The following FAAH2 variants were observed in gnomAD, a reference collection of about 807,000 sequenced individuals.
The protein encoded by FAAH2 is fatty acid amide hydrolase 2.
A neutral mutation model predicts 36.9 loss-of-function variants in FAAH2; 60 were observed. The observed-to-expected ratio is 1.63, with a 90% CI of 1.32 to 2.02. The LOEUF is 2.02. Ranked by LOEUF, FAAH2 falls within the 30% of genes most tolerant of loss-of-function variation. The pLI is 0.00. For missense variants in FAAH2, 689 were observed against 397.5 expected (o/e 1.73, Z -6.23); for synonymous variants, 214 against 143.8 (o/e 1.49, Z -3.49).
intron 10 of FAAH2, among the ~76,000 whole-genome samples, chrX:57,476,843 CT>C (rs1222442603): frequency 1.1e-3 from 114 of 99,644 alleles, no homozygotes; most frequent in East Asian, 3.5e-3. Flanking sequence ...TGTTCTTGGA[CT>C]TTTTTTTTTT....
chrX:57,207,731 G>C, the FAAH2 span, among the ~76,000 whole-genome samples: 4 of 112,320 alleles, frequency 3.6e-5, no homozygotes, highest in East Asian at 1.1e-3. Flanking sequence ...ATTTAAACTA[G>C]ACCTGCCTAG....
At chrX:57,341,488 T>C in intron 5 of FAAH2, 98 bp downstream of exon 5, 1 of 944,196 alleles carries the variant, frequency 1.1e-6, no homozygotes, top group Non-Finnish European at 1.4e-6. Context: ...TCAGGGTGAT[T>C]ATTATATATT....
the FAAH2 span, among the ~76,000 whole-genome samples, chrX:57,187,409 T>C: frequency 2.7e-5 from 3 of 111,261 alleles, no homozygotes; most frequent in African/African-American, 9.8e-5. Flanking sequence ...TTTTGCACAT[T>C]GATTTTGTAT....
chrX:57,390,554 G>A (rs775703129), intron 7 of FAAH2, among the ~76,000 whole-genome samples: 1 of 110,947 alleles, frequency 9.0e-6, no homozygotes, highest in East Asian at 2.8e-4. Context: ...TGTATCCATT[G>A]TTTAGTTTCC....
At chrX:57,124,870 G>A in the FAAH2 span, among the ~76,000 whole-genome samples, 1 of 112,335 alleles carries the variant, frequency 8.9e-6, no homozygotes, top group African/African-American at 3.2e-5. Context: ...CTGAGACTTG[G>A]CTGAAGTTGC....
At chrX:57,454,820 T>A (rs927669960) in intron 10 of FAAH2, among the ~76,000 whole-genome samples, 1 of 112,026 alleles carries the variant, frequency 8.9e-6, no homozygotes, top group Non-Finnish European at 1.9e-5. Context: ...AGATACCAAA[T>A]GTATGACTCA....
chrX:57,286,610 G>A (rs932935425), upstream of FAAH2: 5 of 322,258 alleles, frequency 1.6e-5, no homozygotes, highest in Admixed American at 5.8e-5. Flanking sequence ...ACGACAGGTA[G>A]CATTGCACAC....
In FAAH2 at chrX:57,437,824, A is replaced by G. The variant is rs756739988; in HGVS notation, c.1116+5787A>G. ...ATAATCAGATTTATATTTTTAAATT[A>G]TATAATATATAAATATAATTATATG... On this transcript the variant is annotated intron_variant, in intron 8 of 10. Transcript: ENST00000374900. Among the ~76,000 whole-genome samples, 366 of 102,695 alleles carry G rather than the reference A, an allele frequency of 3.6e-3. 2 individuals are homozygous for G. The highest frequency in any genetic ancestry group is 0.012 in the African/African-American group (353 of 28,996). The allele number at this position is 102,695 out of a possible 115,157, so 89.2% of individuals were successfully genotyped here.
chrX:57,216,516 ATACG>A, the FAAH2 span, among the ~76,000 whole-genome samples: 3 of 81,347 alleles, frequency 3.7e-5, no homozygotes, highest in African/African-American at 1.9e-4. Context: ...ATATATATAT[ATACG>A]TATATGTATA....
At chrX:57,163,087 C>G in the FAAH2 span, among the ~76,000 whole-genome samples, 1 of 111,761 alleles carries the variant, frequency 8.9e-6, no homozygotes, top group Non-Finnish European at 1.9e-5. Flanking sequence ...ACAGACAGGA[C>G]CCTCAGCTGC....
At position 57,374,467 on chromosome X, in the gene FAAH2, G is replaced by A. The variant is rs764467206; in HGVS notation, c.743-4184G>A. Among the ~76,000 whole-genome samples, 13 of 111,486 alleles carry A rather than the reference G, an allele frequency of 1.2e-4. No individual in the cohort carries two copies. In the South Asian group the frequency reaches 4.1e-3, roughly 35 times the overall value. ...TATTCCTAAGTATTTTATTTATTTTGCAGCTATTGTAAAAGGGGTTGAGTT... is the reference window on the plus strand; with the variant it reads ...TATTCCTAAGTATTTTATTTATTTTACAGCTATTGTAAAAGGGGTTGAGTT... On this transcript the variant is annotated intron_variant, in intron 5 of 10. Coordinates refer to ENST00000374900, the MANE Select transcript of FAAH2 (RefSeq NM_174912.4).
intron 4 of FAAH2, among the ~76,000 whole-genome samples, chrX:57,336,719 T>G (rs1002555900): frequency 9.0e-6 from 1 of 111,222 alleles, no homozygotes; most frequent in South Asian, 3.8e-4. Flanking sequence ...ACACAATATA[T>G]CAGAATCTCT....
At chrX:57,458,775 G>C (rs1459230775) in intron 10 of FAAH2, among the ~76,000 whole-genome samples, 1 of 111,789 alleles carries the variant, frequency 8.9e-6, no homozygotes, top group Admixed American at 9.4e-5. Context: ...TGAGAGACTG[G>C]GCTATCCAGC....
the FAAH2 span, among the ~76,000 whole-genome samples, chrX:57,138,487 A>T: frequency 9.0e-6 from 1 of 110,739 alleles, no homozygotes. Context: ...TTGATTCCAT[A>T]TCTTGTCTAT....
At chrX:57,147,909 T>G in the FAAH2 span, among the ~76,000 whole-genome samples, 635 of 112,144 alleles carry the variant, frequency 5.7e-3, 5 homozygotes, top group African/African-American at 0.02. Context: ...TATTCCACTC[T>G]AGTCTGAGAG....
At chrX:57,137,323 CTGCTT>C in the FAAH2 span, 1 of 759,022 alleles carries the variant, frequency 1.3e-6, no homozygotes, top group Non-Finnish European at 1.6e-6. Flanking sequence ...CGCTGAGTGA[CTGCTT>C]GCAAGAGCGG....
intron 7 of FAAH2, among the ~76,000 whole-genome samples, chrX:57,401,548 C>T (rs1037588889): frequency 9.0e-6 from 1 of 111,280 alleles, no homozygotes; most frequent in Non-Finnish European, 1.9e-5. Context: ...CTTCTCTGTC[C>T]GTTGGGTTTC....
At chrX:57,469,545 C>G (rs1057194438) in intron 10 of FAAH2, among the ~76,000 whole-genome samples, 4 of 111,912 alleles carry the variant, frequency 3.6e-5, no homozygotes, top group Admixed American at 9.4e-5. Context: ...ATAAGAAGAG[C>G]TAACTATCCT....
intron 10 of FAAH2, among the ~76,000 whole-genome samples, chrX:57,487,124 C>T (rs182678830): frequency 9.0e-6 from 1 of 110,818 alleles, no homozygotes; most frequent in Non-Finnish European, 1.9e-5. Context: ...CCACCGTATA[C>T]AAAAACTAAT....
Sources: gnomAD v4.1 joint callset for allele counts (sites outside exome capture counted in the v4.1 genomes callset) on GRCh38, gnomAD v4.1.1 for gene constraint, MANE v1.5 for transcripts, NCBI Gene and HGNC (gene_info 2026-07-23, HGNC 2026-07-21) for gene names.